Variants in CTNNA2 observed in about 807,000 individuals in gnomAD.
The protein encoded by CTNNA2 is catenin alpha 2.
CTNNA2 carries 42 observed loss-of-function variants against 101.0 expected under a neutral mutation model. The observed-to-expected ratio is 0.42, with a 90% CI of 0.32 to 0.54. CTNNA2 has a LOEUF of 0.54. Among genes scored for constraint, CTNNA2 ranks in the 20% least tolerant of loss-of-function variants. The pLI is 0.14. For missense variants in CTNNA2, 871 were observed against 1,223.1 expected (o/e 0.71, Z 4.29); for synonymous variants, 450 against 456.4 (o/e 0.99, Z 0.18).
intron 4 of CTNNA2, among the ~76,000 whole-genome samples, chr2:79,380,252 T>C (rs945383053): frequency 5.7e-5 from 5 of 88,032 alleles, no homozygotes; most frequent in Non-Finnish European, 9.2e-5. Flanking sequence ...TTTTCTGTTC[T>C]TTTCTTTCTT....
At chr2:80,644,894 A>G (rs1673899455) in intron 18 of CTNNA2, among the ~76,000 whole-genome samples, 1 of 152,294 alleles carries the variant, frequency 6.6e-6, no homozygotes, top group South Asian at 2.1e-4. Flanking sequence ...ATCAGGTTTG[A>G]AAGGCAAAGG....
chr2:80,251,677 C>A lies in CTNNA2; in HGVS notation c.1057-141534C>A, dbSNP rs574329137. On this transcript the variant is annotated intron_variant, in intron 7 of 18. Coordinates refer to ENST00000402739, the MANE Select transcript of CTNNA2 (RefSeq NM_001282597.3). ...CTCTCTTTGTTATTGGATGATTGCT[C>A]ATTTCTGAATTGTTGGAAGGCTAGA... is the stretch of plus-strand genomic sequence containing the variant. 3.9e-5 allele frequency among the ~76,000 whole-genome samples: 6 copies of A among 152,266 alleles called. No homozygotes were observed. The East Asian group carries it at 1.2e-3, about 29-fold the overall frequency.
intron 4 of CTNNA2, among the ~76,000 whole-genome samples, chr2:79,480,620 C>T (rs1671098542): frequency 6.6e-6 from 1 of 151,994 alleles, no homozygotes; most frequent in Non-Finnish European, 1.5e-5. Flanking sequence ...TTTCTGAATT[C>T]TTAGATAATT....
In CTNNA2 at chr2:79,968,694, A is replaced by G. The variant is rs768930465; in HGVS notation, c.1056+58897A>G. On this transcript the variant is annotated intron_variant, in intron 7 of 18. Coordinates refer to ENST00000402739, the MANE Select transcript of CTNNA2 (RefSeq NM_001282597.3). ...AATATAAACAATCCCCCCACACAAA[A>G]TAAAGATATACAAGGAAAAAATACC... Among the ~76,000 whole-genome samples, 3 of 152,188 alleles carry G rather than the reference A, an allele frequency of 2.0e-5. No homozygotes were observed. In the East Asian group the frequency reaches 5.8e-4, roughly 29 times the overall value.
chr2:79,602,957 AT>A (rs1175632971), intron 1 of CTNNA2, among the ~76,000 whole-genome samples: 1 of 152,186 alleles, frequency 6.6e-6, no homozygotes, highest in Non-Finnish European at 1.5e-5. Context: ...GGTAAGACGA[AT>A]CTGAAGTTCA....
intron 4 of CTNNA2, among the ~76,000 whole-genome samples, chr2:79,403,425 C>G (rs886746410): frequency 7.2e-5 from 11 of 151,864 alleles, no homozygotes; most frequent in Non-Finnish European, 1.2e-4. Context: ...AATTATATTT[C>G]AGTCCCTCAA....
At chr2:80,222,098 C>G (rs1232586627) in intron 7 of CTNNA2, among the ~76,000 whole-genome samples, 2 of 152,122 alleles carry the variant, frequency 1.3e-5, no homozygotes, top group Non-Finnish European at 2.9e-5. Flanking sequence ...TTGCCCAAGC[C>G]AAACACAAGG....
chr2:80,345,900 G>A (rs1161102921), intron 7 of CTNNA2, among the ~76,000 whole-genome samples: 3 of 152,142 alleles, frequency 2.0e-5, no homozygotes, highest in Non-Finnish European at 2.9e-5. Context: ...AAAGTATAAA[G>A]CCAAACTCTA....
intron 7 of CTNNA2, among the ~76,000 whole-genome samples, chr2:80,240,578 G>A (rs72928750): frequency 0.12 from 18,986 of 151,980 alleles, 2,793 homozygotes; most frequent in African/African-American, 0.36. Context: ...TACTCATTTT[G>A]TGTCCAAATC....
intron 7 of CTNNA2, among the ~76,000 whole-genome samples, chr2:80,209,598 CACAG>C (rs112277300): frequency 0.01 from 1,520 of 151,784 alleles, 22 homozygotes; most frequent in African/African-American, 0.035. Context: ...TTCTCATACA[CACAG>C]ACACACACAC....
intron 2 of CTNNA2, among the ~76,000 whole-genome samples, chr2:79,660,938 A>G: frequency 6.6e-6 from 1 of 152,238 alleles, no homozygotes; most frequent in East Asian, 1.9e-4. Flanking sequence ...TTATAAAATA[A>G]GTACAAAAAA....
intron 7 of CTNNA2, among the ~76,000 whole-genome samples, chr2:80,156,934 C>T (rs1704026632): frequency 6.6e-6 from 1 of 152,092 alleles, no homozygotes; most frequent in Admixed American, 6.5e-5. Flanking sequence ...TTATCTTATC[C>T]AAAATGAAGA....
intron 2 of CTNNA2, among the ~76,000 whole-genome samples, chr2:79,300,261 T>C (rs1676078234): frequency 6.6e-6 from 1 of 152,190 alleles, no homozygotes; most frequent in Non-Finnish European, 1.5e-5. Flanking sequence ...CAGAATGCCA[T>C]AGAGCTGGAA....
intron 7 of CTNNA2, among the ~76,000 whole-genome samples, chr2:80,134,999 G>A (rs1702615647): frequency 6.6e-6 from 1 of 152,082 alleles, no homozygotes; most frequent in South Asian, 2.1e-4. Context: ...TAGATGCCAG[G>A]TGCAGTATTC....
chr2:79,760,372 T>C (rs1672709293), intron 3 of CTNNA2, among the ~76,000 whole-genome samples: 2 of 152,132 alleles, frequency 1.3e-5, no homozygotes, highest in Admixed American at 6.6e-5. Context: ...ATAGGTTATA[T>C]ATGTGTGTAT....
At chr2:80,636,794 ACT>A (rs1672930844) in intron 18 of CTNNA2, among the ~76,000 whole-genome samples, 1 of 151,938 alleles carries the variant, frequency 6.6e-6, no homozygotes, top group Non-Finnish European at 1.5e-5. Flanking sequence ...AGCCACCTTG[ACT>A]CTCTATTATC....
At chr2:79,793,898 A>ACACACACACACG (rs1675485067) in intron 3 of CTNNA2, among the ~76,000 whole-genome samples, 1 of 150,692 alleles carries the variant, frequency 6.6e-6, no homozygotes, top group African/African-American at 2.5e-5. Flanking sequence ...GCACACACAC[A>ACACACACACACG]CACACACACA....
intron 7 of CTNNA2, among the ~76,000 whole-genome samples, chr2:80,245,537 C>T (rs569018408): frequency 1.3e-5 from 2 of 152,202 alleles, no homozygotes; most frequent in Non-Finnish European, 2.9e-5. Context: ...AATTTCACTT[C>T]TGCCTTCTAT....
chr2:79,250,536 G>A (rs184138657), intron 2 of CTNNA2, among the ~76,000 whole-genome samples: 10 of 152,284 alleles, frequency 6.6e-5, no homozygotes, highest in African/African-American at 2.2e-4. Context: ...TTCAGTTCTA[G>A]CCACAACTCC....
Sources: gnomAD v4.1 joint callset for allele counts (sites outside exome capture counted in the v4.1 genomes callset) on GRCh38, gnomAD v4.1.1 for gene constraint, MANE v1.5 for transcripts, NCBI Gene and HGNC (gene_info 2026-07-23, HGNC 2026-07-21) for gene names.